Variants in CACNA1A observed in about 807,000 individuals in gnomAD.
The protein encoded by CACNA1A is voltage-dependent P/Q-type calcium channel subunit alpha-1A.
A neutral mutation model predicts 262.4 loss-of-function variants in CACNA1A; 57 were observed. That is an observed-to-expected ratio of 0.22 (90% CI 0.18 to 0.27). CACNA1A has a LOEUF of 0.27. Ranked by LOEUF, CACNA1A falls within the 10% of genes least tolerant of loss-of-function variation. The probability of loss-of-function intolerance (pLI) is 1.00; values close to 1 mark genes in which losing one functional copy is unlikely to be tolerated. For synonymous variants in CACNA1A, 1,431 were observed against 1,419.3 expected (o/e 1.01, Z -0.18); for missense variants, 2,526 against 3,562.8 (o/e 0.71, Z 7.41).
At chr19:13,228,813 G>A (rs2055565117) in intron 36 of CACNA1A, 1 of 1,482,732 alleles carries the variant, frequency 6.7e-7, no homozygotes, top group Non-Finnish European at 9.3e-7. Context: ...GAGAAGAAAG[G>A]GGGTTAGTGC....
rs558361311 is a variant in CACNA1A at position 13,378,486 on chromosome 19, TTCTTG to T, written c.540-6712_540-6708del. Among the ~76,000 whole-genome samples, 7 of 151,946 alleles carry T rather than the reference TTCTTG, an allele frequency of 4.6e-5. No homozygotes were observed. In the South Asian group the frequency reaches 1.0e-3, roughly 23 times the overall value. On this transcript the variant is annotated intron_variant, in intron 3 of 46. Coordinates refer to ENST00000360228, the MANE Select transcript of CACNA1A (RefSeq NM_001127222.2). ...GAAGAGTCGATGGATGCGGAAAACT[TTCTTG>T]TCTTATTTTAAGAAAATGTCACAGG... is the stretch of plus-strand genomic sequence containing the variant.
chr19:13,221,775 A>G (rs1490940542), intron 38 of CACNA1A, among the ~76,000 whole-genome samples: 5 of 152,066 alleles, frequency 3.3e-5, no homozygotes, highest in Non-Finnish European at 7.4e-5. Context: ...CCTTTTAAAC[A>G]TAGAAGCTGC....
intron 22 of CACNA1A, chr19:13,277,361 CA>C (rs547443251): frequency 2.0e-5 from 9 of 454,482 alleles, no homozygotes; most frequent in Non-Finnish European, 3.2e-5. Flanking sequence ...CAAATCCTAA[CA>C]AAAAAATCAC....
chr19:13,271,103 C>G (rs2057005397), intron 24 of CACNA1A, among the ~76,000 whole-genome samples: 1 of 127,392 alleles, frequency 7.8e-6, no homozygotes, highest in Non-Finnish European at 1.6e-5. Context: ...AACAGGCTGC[C>G]AAATTCCTGT....
intron 1 of CACNA1A, among the ~76,000 whole-genome samples, chr19:13,493,818 T>C (rs568982158): frequency 6.6e-6 from 1 of 152,236 alleles, no homozygotes; most frequent in Non-Finnish European, 1.5e-5. Context: ...ATAATACACG[T>C]ATAAAGTGGA....
intron 1 of CACNA1A, among the ~76,000 whole-genome samples, chr19:13,469,270 T>G (rs2145024972): frequency 6.6e-6 from 1 of 152,284 alleles, no homozygotes; most frequent in East Asian, 1.9e-4. Context: ...TAACATTTGA[T>G]GACCTCCAAT....
chr19:13,239,441 T>C (rs2055995352), intron 31 of CACNA1A, among the ~76,000 whole-genome samples: 1 of 152,174 alleles, frequency 6.6e-6, no homozygotes, highest in Admixed American at 6.5e-5. Flanking sequence ...AAGGGGTTAT[T>C]TGACCGATGC....
chr19:13,207,374 C>T lies in CACNA1A; in HGVS notation c.7460G>A (p.Gly2487Glu). 1.9e-6 allele frequency: 3 copies of T among 1,549,154 alleles called. No individual in the cohort carries two copies. The South Asian group carries it at 3.5e-5, about 18-fold the overall frequency. Residue 2487 changes from glycine (G) to glutamate (E), a missense_variant, in exon 47 of 47, where the codon GGG (glycine) becomes GAG (glutamate). Coordinates refer to ENST00000360228, the MANE Select transcript of CACNA1A (RefSeq NM_001127222.2). This position sits in a 1 kb window ranked among gnomAD's most constrained non-coding sequence, Gnocchi z 5.7. ...GTGCAGGCCCTTCCTGGAGCCCGGC[C>T]CGCGGGGCCTGGCCAGTCCGTGCGC... ...YPAHGLARPR[G>E]PGSRKGLHEP...
At position 13,371,683 on chromosome 19, in the gene CACNA1A, C is replaced by T. The variant is rs786200963; in HGVS notation, c.631+5G>A. 1 of 1,565,026 alleles carries T rather than the reference C, an allele frequency of 6.4e-7. No homozygotes were observed. Among genetic ancestry groups the T allele is most frequent in the Non-Finnish European group, 8.7e-7 (1 of 1,154,208 alleles). On this transcript the variant is annotated splice_donor_5th_base_variant and intron_variant, in intron 4 of 46. Transcript: ENST00000360228. ...ACCCCTTGTCAGGGTCGGAAACTCA[C>T]GCACTTGGGATTCCAGACACCAGCT...
chr19:13,241,478 G>C lies in CACNA1A; in HGVS notation c.4950+3704C>G. 1.6e-6 allele frequency: 2 copies of C among 1,219,992 alleles called. No individual in the cohort carries two copies. Among genetic ancestry groups the C allele is most frequent in the South Asian group, 1.3e-5 (1 of 79,838 alleles). The allele number at this position is 1,219,992 out of a possible 1,614,324, so 75.6% of individuals were successfully genotyped here. On this transcript the variant is annotated intron_variant, in intron 31 of 46. Coordinates refer to ENST00000360228, the MANE Select transcript of CACNA1A (RefSeq NM_001127222.2). The surrounding 1 kb of genome is among the most constrained non-coding windows in gnomAD (Gnocchi z 4.0). ...GCCGACGCGAGGAGATGCGTTCACA[G>C]TTAATGTAAGGCATTTAGACTTCAG...
intron 10 of CACNA1A, among the ~76,000 whole-genome samples, chr19:13,317,870 A>G (rs1478781611): frequency 6.6e-6 from 1 of 152,236 alleles, no homozygotes; most frequent in Admixed American, 6.5e-5. Context: ...CCAGGGGCTC[A>G]GGATACATTA....
Position 13,213,387 on chromosome 19 carries a change from G to A in CACNA1A, c.5941-647C>T, listed in dbSNP as rs528724790. On this transcript the variant is annotated intron_variant, in intron 40 of 46. Coordinates refer to ENST00000360228, the MANE Select transcript of CACNA1A (RefSeq NM_001127222.2). ...GCTCCCCAACTACCCATTTCCCACC[G>A]CATCCCCTCCTCCCCTGGATACTCC... 4.0e-5 allele frequency among the ~76,000 whole-genome samples: 6 copies of A among 151,798 alleles called. No homozygotes were observed. The East Asian group carries it at 5.8e-4, about 15-fold the overall frequency.
At chr19:13,432,701 T>C (rs1249831936) in intron 3 of CACNA1A, among the ~76,000 whole-genome samples, 1 of 151,070 alleles carries the variant, frequency 6.6e-6, no homozygotes, top group Non-Finnish European at 1.5e-5. Context: ...TATTGTATAT[T>C]TCAAAATTGC....
At chr19:13,325,202 T>TTC (rs2058338466) in intron 10 of CACNA1A, among the ~76,000 whole-genome samples, 1 of 150,116 alleles carries the variant, frequency 6.7e-6, no homozygotes, top group African/African-American at 2.4e-5. Flanking sequence ...TCTTCTTTTT[T>TTC]TTTTTTTTAA....
intron 45 of CACNA1A, 31 bp from the exon 46 acceptor site, chr19:13,209,040 A>G (rs1404908227): frequency 6.5e-7 from 1 of 1,536,620 alleles, no homozygotes; most frequent in South Asian, 1.2e-5. Context: ...ACAGACACAC[A>G]GGTGGTCGTG....
intron 29 of CACNA1A, among the ~76,000 whole-genome samples, chr19:13,254,651 C>T (rs186753012): frequency 3.9e-5 from 6 of 152,238 alleles, no homozygotes; most frequent in African/African-American, 9.6e-5. Context: ...CATGAGCCAC[C>T]GCGCCCAGCC....
At position 13,240,370 on chromosome 19, in the gene CACNA1A, T is replaced by C. The variant is rs529634937; in HGVS notation, c.4951-4640A>G. Among the ~76,000 whole-genome samples, 714 of 152,102 alleles carry C rather than the reference T, an allele frequency of 4.7e-3. 15 individuals carry two copies. Among genetic ancestry groups the C allele is most frequent in the Non-Finnish European group, 3.7e-3 (251 of 67,968 alleles). On this transcript the variant is annotated intron_variant, in intron 31 of 46. Coordinates refer to ENST00000360228, the MANE Select transcript of CACNA1A (RefSeq NM_001127222.2). ...GCATGCATAGTGGCTCTGTGTGCAG[T>C]GACTGTGTGTGCAGTGTGTGTGCAT...
intron 3 of CACNA1A, among the ~76,000 whole-genome samples, chr19:13,441,511 G>C (rs1203603684): frequency 6.6e-6 from 1 of 151,338 alleles, no homozygotes; most frequent in Non-Finnish European, 1.5e-5. Context: ...TACTAAAAAT[G>C]CAAAAATTAG....
At chr19:13,391,458 G>A (rs1324534830) in intron 3 of CACNA1A, among the ~76,000 whole-genome samples, 3 of 152,024 alleles carry the variant, frequency 2.0e-5, no homozygotes, top group Admixed American at 6.6e-5. Context: ...TTTCTATTTC[G>A]GGTGGTTTCT....
Sources: allele counts gnomAD v4.1 joint callset (sites outside exome capture counted in the v4.1 genomes callset), GRCh38; gene constraint gnomAD v4.1.1; non-coding constraint Gnocchi (gnomAD v3.1); transcripts MANE v1.5; gene names NCBI Gene and HGNC (gene_info 2026-07-23, HGNC 2026-07-21).